The following LMNTD1 variants were observed in gnomAD, a reference collection of about 807,000 sequenced individuals.
LMNTD1 encodes the protein lamin tail domain containing 1, also known as lamin tail domain-containing protein 1.
A neutral mutation model predicts 50.9 loss-of-function variants in LMNTD1; 35 were observed. The observed-to-expected ratio is 0.69, with a 90% CI of 0.53 to 0.91. The LOEUF is 0.91. Among genes scored for constraint, LMNTD1 ranks in the 40% least tolerant of loss-of-function variants. LMNTD1 has a pLI of 0.00. For synonymous variants in LMNTD1, 153 were observed against 161.9 expected (o/e 0.94, Z 0.42); for missense variants, 470 against 475.5 (o/e 0.99, Z 0.11).
chr12:25,489,632 T>A (rs922715275), intron 9 of LMNTD1, among the ~76,000 whole-genome samples: 4 of 152,024 alleles, frequency 2.6e-5, no homozygotes, highest in African/African-American at 9.7e-5. Flanking sequence ...CTGTTCCTAT[T>A]CGGCCATCTT....
intron 1 of LMNTD1, among the ~76,000 whole-genome samples, chr12:25,606,957 G>A (rs1356999097): frequency 6.6e-6 from 1 of 152,124 alleles, no homozygotes; most frequent in Non-Finnish European, 1.5e-5. Flanking sequence ...GAATCTGTCT[G>A]GTCCTGGACT....
chr12:25,479,730 A>G (rs994027673), intron 9 of LMNTD1, among the ~76,000 whole-genome samples: 2 of 152,230 alleles, frequency 1.3e-5, no homozygotes, highest in Non-Finnish European at 2.9e-5. Context: ...AGGCAAACTC[A>G]TATCTGGAGT....
chr12:25,534,023 T>C (rs1942402171), intron 4 of LMNTD1, among the ~76,000 whole-genome samples: 1 of 152,196 alleles, frequency 6.6e-6, no homozygotes, highest in African/African-American at 2.4e-5. Flanking sequence ...CTTCTTAATA[T>C]AGTTTGATCA....
chr12:25,505,475 T>C (rs541101911), intron 8 of LMNTD1, among the ~76,000 whole-genome samples: 1 of 152,330 alleles, frequency 6.6e-6, no homozygotes, highest in South Asian at 2.1e-4. Context: ...ATTTCAATTG[T>C]AAGAAGCAGC....
chr12:25,571,009 G>A (rs975779487), intron 1 of LMNTD1, among the ~76,000 whole-genome samples: 2 of 152,166 alleles, frequency 1.3e-5, no homozygotes, highest in African/African-American at 4.8e-5. Context: ...TTATGGGCCT[G>A]TGACCTGTAC....
In LMNTD1 at chr12:25,549,937, C is replaced by G. The variant is rs929931930; in HGVS notation, c.90-391G>C. Among the ~76,000 whole-genome samples the G allele has an allele frequency of 1.6e-4, 24 of 152,186 alleles. No individual in the cohort carries two copies. In the East Asian group the frequency reaches 4.4e-3, roughly 28 times the overall value. On this transcript the variant is annotated intron_variant, in intron 2 of 9. Coordinates refer to ENST00000458174, the MANE Select transcript of LMNTD1 (RefSeq NM_001145728.2). ...TTTATACCTCCACTTTGATCACTTA[C>G]CATTATTTTCCCTTTCCGTTATCAT...
chr12:25,507,901 C>T (rs976716081), intron 8 of LMNTD1, among the ~76,000 whole-genome samples: 3 of 152,112 alleles, frequency 2.0e-5, no homozygotes, highest in African/African-American at 7.2e-5. Context: ...AAATTAATTC[C>T]CAAGACACTG....
At chr12:25,551,488 C>G (rs1449377706) in intron 2 of LMNTD1, among the ~76,000 whole-genome samples, 1 of 152,102 alleles carries the variant, frequency 6.6e-6, no homozygotes, top group African/African-American at 2.4e-5. Flanking sequence ...CTCCTGGGTT[C>G]AAGTGATCCT....
intron 8 of LMNTD1, among the ~76,000 whole-genome samples, chr12:25,510,437 GC>G (rs1940178957): frequency 6.6e-6 from 1 of 151,892 alleles, no homozygotes; most frequent in Non-Finnish European, 1.5e-5. Context: ...TATTTATGCT[GC>G]TTGGGATTTA....
chr12:25,546,194 T>C (rs947553746), intron 4 of LMNTD1, among the ~76,000 whole-genome samples, 180 bp downstream of exon 4: 10 of 151,660 alleles, frequency 6.6e-5, no homozygotes, highest in Non-Finnish European at 5.9e-5. Context: ...TGTTTGGTTC[T>C]TTAGACCATT....
At position 25,476,343 on chromosome 12, in the gene LMNTD1, A is replaced by G. The variant is rs1018544044; in HGVS notation, c.*140T>C. ...AATACAAATTTTGGATCCTTTTTCC[A>G]TATAGAAATGTGATGTCTTCACCCT... On this transcript the variant is annotated 3_prime_UTR_variant, in exon 10 of 10. Transcript: ENST00000458174. 2 of 152,198 alleles carry G rather than the reference A, an allele frequency of 1.3e-5. No homozygotes were observed. The highest frequency in any genetic ancestry group is 2.9e-5 in the Non-Finnish European group (2 of 68,036). The allele number at this position is 152,198 out of a possible 1,614,324, so 9.4% of individuals were successfully genotyped here.
intron 1 of LMNTD1, among the ~76,000 whole-genome samples, chr12:25,614,556 G>C (rs1237238790): frequency 1.3e-5 from 2 of 152,048 alleles, no homozygotes; most frequent in African/African-American, 4.8e-5. Context: ...ATTCCTTTTG[G>C]GGTGTTTTCC....
At chr12:25,553,286 T>C, upstream of LMNTD1, 2 of 1,431,278 alleles carry the variant, frequency 1.4e-6, no homozygotes, top group Middle Eastern at 2.6e-4. Flanking sequence ...ATGACTACAG[T>C]TGTTGCTTCT....
intron 4 of LMNTD1, among the ~76,000 whole-genome samples, chr12:25,533,439 G>A (rs1412959304): frequency 1.3e-5 from 2 of 152,128 alleles, no homozygotes; most frequent in Admixed American, 6.5e-5. Flanking sequence ...CATTATTTAA[G>A]CACTAATTTA....
intron 1 of LMNTD1, among the ~76,000 whole-genome samples, chr12:25,641,869 T>C (rs1324171905): frequency 1.3e-5 from 2 of 152,124 alleles, no homozygotes; most frequent in African/African-American, 2.4e-5. Flanking sequence ...TCTTGAATAA[T>C]AAATATATCA....
intron 8 of LMNTD1, among the ~76,000 whole-genome samples, chr12:25,504,358 T>C (rs1939584519): frequency 6.6e-6 from 1 of 152,192 alleles, no homozygotes; most frequent in African/African-American, 2.4e-5. Context: ...TGGCCTTCCT[T>C]ACTCTCATCT....
chr12:25,590,038 G>A (rs1945649119), intron 1 of LMNTD1, among the ~76,000 whole-genome samples: 1 of 151,850 alleles, frequency 6.6e-6, no homozygotes, highest in Admixed American at 6.6e-5. Flanking sequence ...AAAGACACCA[G>A]TTTAACAACT....
chr12:25,498,622 G>T (rs1939203141), intron 9 of LMNTD1, among the ~76,000 whole-genome samples: 1 of 152,184 alleles, frequency 6.6e-6, no homozygotes, highest in African/African-American at 2.4e-5. Flanking sequence ...GGCACTTCAT[G>T]TGAACAAAAT....
At chr12:25,539,927 T>C (rs1565993239) in intron 4 of LMNTD1, among the ~76,000 whole-genome samples, 1 of 151,514 alleles carries the variant, frequency 6.6e-6, no homozygotes, top group South Asian at 2.1e-4. Flanking sequence ...CAAACTACCA[T>C]CAGAGAATAC....
Sources: gnomAD v4.1 joint callset for allele counts (sites outside exome capture counted in the v4.1 genomes callset) on GRCh38, gnomAD v4.1.1 for gene constraint, MANE v1.5 for transcripts, NCBI Gene and HGNC (gene_info 2026-07-23, HGNC 2026-07-21) for gene names.